VAPB: variants seen among roughly 807,000 people sequenced by gnomAD.
VAPB encodes vesicle-associated membrane protein-associated protein B/C.
Under a neutral mutation model 25.6 loss-of-function variants are expected in VAPB, and 7 were observed. The ratio of observed to expected loss-of-function variants is 0.27; its 90% CI spans 0.16 to 0.51. VAPB has a LOEUF of 0.51. VAPB is among the 20% of genes least tolerant of loss of function. VAPB has a pLI of 0.97. For missense variants in VAPB, 266 were observed against 301.3 expected (o/e 0.88, Z 0.87); for synonymous variants, 112 against 109.2 (o/e 1.03, Z -0.16).
rs1351908281 is a variant in VAPB, at chr20:58,389,304, C to T, written c.-156C>T. The T allele has an allele frequency of 3.1e-6, 2 of 655,106 alleles. No individual in the cohort carries two copies. The highest frequency in any genetic ancestry group is 1.5e-5 in the South Asian group (1 of 65,796). 40.6% of individuals were successfully genotyped at this position (655,106 alleles called of 1,614,324 possible). On this transcript the variant is annotated 5_prime_UTR_variant, in exon 1 of 6. Coordinates refer to ENST00000475243, the MANE Select transcript of VAPB (RefSeq NM_004738.5). ...CTGCGCCTGCACCGCGTAGACCGACCCCCCCCCAGCGCGCCCACCCGGTAG... is the reference window on the plus strand; with the variant it reads ...CTGCGCCTGCACCGCGTAGACCGACTCCCCCCCAGCGCGCCCACCCGGTAG...
At chr20:58,438,771 A>G (rs540841246) in intron 3 of VAPB, among the ~76,000 whole-genome samples, 174 bp from the exon 4 acceptor site, 2 of 152,352 alleles carry the variant, frequency 1.3e-5, no homozygotes, top group East Asian at 1.9e-4. Flanking sequence ...AAGTGAGTGT[A>G]TTTAATCTTG....
chr20:58,426,875 G>A (rs1489759672), intron 2 of VAPB, among the ~76,000 whole-genome samples: 4 of 152,140 alleles, frequency 2.6e-5, no homozygotes, highest in African/African-American at 9.7e-5. Flanking sequence ...ATAAGATTGT[G>A]AGATTAAAAA....
At chr20:58,396,625 T>G (rs1281127509) in intron 1 of VAPB, among the ~76,000 whole-genome samples, 1 of 152,108 alleles carries the variant, frequency 6.6e-6, no homozygotes, top group Non-Finnish European at 1.5e-5. Context: ...CTGGGAGTGG[T>G]CATATGTGTG....
intron 1 of VAPB, 126 bp downstream of exon 1, chr20:58,389,643 C>A: frequency 1.9e-6 from 2 of 1,050,268 alleles, no homozygotes; most frequent in Non-Finnish European, 2.5e-6. Flanking sequence ...CGGGGGGCGG[C>A]GAGGCCGGGC....
chr20:58,434,012 T>G (rs554991887), intron 2 of VAPB, among the ~76,000 whole-genome samples: 3 of 152,128 alleles, frequency 2.0e-5, no homozygotes, highest in African/African-American at 7.2e-5. Flanking sequence ...CTGTGTGAGA[T>G]TTCTCTAGGT....
At chr20:58,423,414 CAAAAAAAAAAAAAAA>C (rs59133081) in intron 2 of VAPB, among the ~76,000 whole-genome samples, 72 of 34,764 alleles carry the variant, frequency 2.1e-3, no homozygotes, top group African/African-American at 4.7e-3. Context: ...CTCCATCTCA[CAAAAAAAAAAAAAAA>C]AAAAAAAAAA....
chr20:58,440,848 T>TA, intron 4 of VAPB, 59 bp from the exon 5 acceptor site: 1 of 1,558,738 alleles, frequency 6.4e-7, no homozygotes, highest in Non-Finnish European at 8.8e-7. Context: ...TTACTTTGCA[T>TA]AAAAAAGTCC....
At chr20:58,435,210 A>G (rs1989015776) in intron 3 of VAPB, among the ~76,000 whole-genome samples, 1 of 152,040 alleles carries the variant, frequency 6.6e-6, no homozygotes, top group South Asian at 2.1e-4. Context: ...TCTATGTTTA[A>G]CTTTTCTCTA....
intron 2 of VAPB, among the ~76,000 whole-genome samples, chr20:58,418,954 T>C (rs1988610276): frequency 6.6e-6 from 1 of 152,198 alleles, no homozygotes; most frequent in African/African-American, 2.4e-5. Flanking sequence ...TTTTCCAAAA[T>C]CCACCTTTTG....
chr20:58,398,010 A>G (rs529185348), intron 1 of VAPB, among the ~76,000 whole-genome samples: 8 of 152,366 alleles, frequency 5.3e-5, no homozygotes, highest in Admixed American at 5.2e-4. Flanking sequence ...CTCACCTTAC[A>G]GCGGAGTTAC....
At chr20:58,428,803 T>G (rs1988864092) in intron 2 of VAPB, among the ~76,000 whole-genome samples, 1 of 152,188 alleles carries the variant, frequency 6.6e-6, no homozygotes, top group Non-Finnish European at 1.5e-5. Context: ...AAATTGAATT[T>G]GACATGAGAT....
rs73294999 is a variant in VAPB, at chr20:58,391,070, T to G, written c.58+1553T>G. ...TGGGGATGCCAGATTGGGAAAGAAG[T>G]CCAGGTAGCTAAAGTGAAAATAGTG... On this transcript the variant is annotated intron_variant, in intron 1 of 5. Coordinates refer to ENST00000475243, the MANE Select transcript of VAPB (RefSeq NM_004738.5). Among the ~76,000 whole-genome samples, 307 of 152,298 alleles carry G rather than the reference T, an allele frequency of 2.0e-3. 2 individuals are homozygous for G. Among genetic ancestry groups the G allele is most frequent in the African/African-American group, 7.1e-3 (294 of 41,556 alleles).
rs1988998134 is a variant in VAPB at position 58,434,628 on chromosome 20, C to G, written c.238C>G (p.Pro80Ala). Residue 80 changes from proline (P) to alanine (A), a missense_variant, in exon 3 of 6, where the codon CCC (proline) becomes GCC (alanine). By Grantham distance (27) the Pro-to-Ala change is conservative. Transcript: ENST00000475243. Reference protein sequence around the residue: ...SVMLQPFDYDPNEKSKHKFMV... With the variant: ...SVMLQPFDYDANEKSKHKFMV... ...GATGTTACAGCCTTTCGATTATGATCCCAATGAGAAAAGTAAACACAAGTT... is the reference window on the plus strand; with the variant it reads ...GATGTTACAGCCTTTCGATTATGATGCCAATGAGAAAAGTAAACACAAGTT... 6.3e-7 allele frequency: 1 copy of G among 1,587,974 alleles called. No individual in the cohort carries two copies. The highest frequency in any genetic ancestry group is 1.1e-5 in the South Asian group (1 of 90,518).
Position 58,448,610 on chromosome 20 carries a change from G to T in VAPB, c.*4375G>T, listed in dbSNP as rs1568725527. On this transcript the variant is annotated 3_prime_UTR_variant, in exon 6 of 6. Transcript: ENST00000475243. ...ATTTCAGCTCTGAAAATCTGCTTCAGGGAAGTGAGTGGATGAGGCCTTCCT... is the reference window on the plus strand; with the variant it reads ...ATTTCAGCTCTGAAAATCTGCTTCATGGAAGTGAGTGGATGAGGCCTTCCT... 1 of 454,122 alleles carries T rather than the reference G, an allele frequency of 2.2e-6. No individual in the cohort carries two copies. Among genetic ancestry groups the T allele is most frequent in the Non-Finnish European group, 4.4e-6 (1 of 226,796 alleles). 28.1% of individuals were successfully genotyped at this position (454,122 alleles called of 1,614,324 possible).
intron 3 of VAPB, among the ~76,000 whole-genome samples, chr20:58,436,153 A>AG (rs1989039352): frequency 6.6e-6 from 1 of 152,086 alleles, no homozygotes; most frequent in African/African-American, 2.4e-5. Flanking sequence ...TATCTAGTAA[A>AG]GGGTCATTTT....
At position 58,450,077 on chromosome 20, in the gene VAPB, T is replaced by C; in HGVS notation, c.*5842T>C. 1 of 454,136 alleles carries C rather than the reference T, an allele frequency of 2.2e-6. No homozygotes were observed. Among genetic ancestry groups the C allele is most frequent in the South Asian group, 1.6e-5 (1 of 64,478 alleles). 28.1% of individuals were successfully genotyped at this position (454,136 alleles called of 1,614,324 possible). A position where few individuals can be genotyped will look rare whatever the true frequency, so the allele number is the denominator to read the frequency against. On this transcript the variant is annotated 3_prime_UTR_variant, in exon 6 of 6. Transcript: ENST00000475243. Reference sequence around the variant, plus strand: ...GAAATGAGTGTGCACGTTTCACACGTTGACTTGCCGGTTTTTCCATGTCAT... The same window carrying C: ...GAAATGAGTGTGCACGTTTCACACGCTGACTTGCCGGTTTTTCCATGTCAT...
chr20:58,402,132 A>G (rs1988109782), intron 1 of VAPB, among the ~76,000 whole-genome samples: 1 of 152,218 alleles, frequency 6.6e-6, no homozygotes, highest in South Asian at 2.1e-4. Context: ...GTTGCCAAAA[A>G]TAAAGTTTAA....
At chr20:58,405,742 CTTTTTTT>C (rs71181964) in intron 1 of VAPB, among the ~76,000 whole-genome samples, 1 of 43,454 alleles carries the variant, frequency 2.3e-5, no homozygotes, top group Non-Finnish European at 3.8e-5. Flanking sequence ...GGCCAGGAGC[CTTTTTTT>C]TTTTTTTTTT....
rs1279973675 is a variant in VAPB at position 58,444,874 on chromosome 20, G to A, written c.*639G>A. The A allele has an allele frequency of 4.4e-6, 2 of 454,574 alleles. No individual in the cohort carries two copies. The highest frequency in any genetic ancestry group is 3.1e-5 in the South Asian group (2 of 64,480). 28.2% of individuals were successfully genotyped at this position (454,574 alleles called of 1,614,324 possible). On this transcript the variant is annotated 3_prime_UTR_variant, in exon 6 of 6. Transcript: ENST00000475243. Reference sequence around the variant, plus strand: ...AATGGCAGTGCTTTGTTCACTTAAAGGGACCAAGCTAAATTTGTATTGGTT... The same window carrying A: ...AATGGCAGTGCTTTGTTCACTTAAAAGGACCAAGCTAAATTTGTATTGGTT...
Sources: gnomAD v4.1 joint callset for allele counts (sites outside exome capture counted in the v4.1 genomes callset) on GRCh38, gnomAD v4.1.1 for gene constraint, MANE v1.5 for transcripts, NCBI Gene and HGNC (gene_info 2026-07-23, HGNC 2026-07-21) for gene names.